The following CCBE1 variants were observed in gnomAD, a reference collection of about 807,000 sequenced individuals.
CCBE1 encodes the protein collagen and calcium-binding EGF domain-containing protein 1.
A neutral mutation model predicts 50.0 loss-of-function variants in CCBE1; 37 were observed. The ratio of observed to expected loss-of-function variants is 0.74; its 90% confidence interval spans 0.57 to 0.97. CCBE1 has a LOEUF of 0.97. Among genes scored for constraint, CCBE1 ranks in the 50% least tolerant of loss-of-function variants. The pLI is 0.00. For missense variants in CCBE1, 538 were observed against 523.8 expected (o/e 1.03, Z -0.26); for synonymous variants, 234 against 203.7 (o/e 1.15, Z -1.27).
intron 2 of CCBE1, among the ~76,000 whole-genome samples, chr18:59,528,700 G>A (rs1311571986): frequency 6.6e-6 from 1 of 152,146 alleles, no homozygotes; most frequent in Non-Finnish European, 1.5e-5. Flanking sequence ...GTTTTTAACA[G>A]TCAAGCCCCT....
intron 2 of CCBE1, among the ~76,000 whole-genome samples, chr18:59,545,743 A>G (rs1025286636): frequency 6.6e-6 from 1 of 152,178 alleles, no homozygotes; most frequent in Admixed American, 6.5e-5. Flanking sequence ...TACTGTTCTC[A>G]TGGTAGTGAA....
chr18:59,611,590 C>CA (rs968793525), intron 2 of CCBE1, among the ~76,000 whole-genome samples: 5 of 151,864 alleles, frequency 3.3e-5, no homozygotes, highest in Admixed American at 1.3e-4. Flanking sequence ...ACTAAAAATA[C>CA]AAAAAAATAG....
intron 2 of CCBE1, among the ~76,000 whole-genome samples, chr18:59,654,828 G>T (rs1455799702): frequency 6.6e-6 from 1 of 150,812 alleles, no homozygotes; most frequent in Non-Finnish European, 1.5e-5. Flanking sequence ...AGAAAAGGTG[G>T]CTCATTCCTA....
chr18:59,485,359 A>G (rs1012907369), intron 2 of CCBE1, among the ~76,000 whole-genome samples: 7 of 152,172 alleles, frequency 4.6e-5, no homozygotes, highest in Non-Finnish European at 1.5e-5. Context: ...AAAAATGAAG[A>G]TAACAGAGAC....
chr18:59,433,891 C>CTTTTTTTTTTTTTT lies in CCBE1; in HGVS notation c.*2003_*2016dup, dbSNP rs373652074. 2.9e-4 allele frequency: 20 copies of CTTTTTTTTTTTTTT among 70,052 alleles called. 1 individual carries two copies. The highest frequency in any genetic ancestry group is 1.1e-3 in the African/African-American group (18 of 16,450). The allele number at this position is 70,052 out of a possible 1,614,324, so 4.3% of individuals were successfully genotyped here. A position where few individuals can be genotyped will look rare whatever the true frequency, so the allele number is the denominator to read the frequency against. On this transcript the variant is annotated 3_prime_UTR_variant, in exon 11 of 11. Coordinates refer to ENST00000439986, the MANE Select transcript of CCBE1 (RefSeq NM_133459.4). ...ACAGGCATGAGCCACCAAGCCCGGC[C>CTTTTTTTTTTTTTT]TTTTTTTTTTTTTTTTTTTTTTTTT...
chr18:59,550,448 G>A (rs1344072114), intron 2 of CCBE1, among the ~76,000 whole-genome samples: 1 of 152,118 alleles, frequency 6.6e-6, no homozygotes, highest in Non-Finnish European at 1.5e-5. Flanking sequence ...TCGCTGCTCA[G>A]AAGGGCCTTC....
intron 2 of CCBE1, among the ~76,000 whole-genome samples, chr18:59,635,207 T>C (rs1431659582): frequency 6.6e-6 from 1 of 152,252 alleles, no homozygotes; most frequent in African/African-American, 2.4e-5. Flanking sequence ...AATGAAATCA[T>C]AGCTTCGAAG....
At chr18:59,584,324 G>A (rs2053142987) in intron 2 of CCBE1, among the ~76,000 whole-genome samples, 1 of 140,636 alleles carries the variant, frequency 7.1e-6, no homozygotes, top group Admixed American at 7.4e-5. Context: ...CACAGGAAAG[G>A]GAACATCACA....
chr18:59,495,221 GA>G (rs199611353), intron 2 of CCBE1, among the ~76,000 whole-genome samples: 9 of 149,230 alleles, frequency 6.0e-5, no homozygotes, highest in African/African-American at 1.7e-4. Context: ...CTTTTTCTCT[GA>G]AAAAAAAATA....
At chr18:59,693,295 C>A (rs1472469274) in intron 2 of CCBE1, among the ~76,000 whole-genome samples, 1 of 152,112 alleles carries the variant, frequency 6.6e-6, no homozygotes, top group African/African-American at 2.4e-5. Flanking sequence ...TTATGTAATG[C>A]AAAATTTTTT....
At chr18:59,556,055 C>G (rs1209703540) in intron 2 of CCBE1, among the ~76,000 whole-genome samples, 1 of 152,172 alleles carries the variant, frequency 6.6e-6, no homozygotes, top group African/African-American at 2.4e-5. Context: ...GTATCTAGGT[C>G]TCAGCTCTGC....
Position 59,595,114 on chromosome 18 carries a change from C to CAAAAAAAAAAAAAAAA in CCBE1, c.212+101499_212+101514dup, listed in dbSNP as rs546035209. On this transcript the variant is annotated intron_variant, in intron 2 of 10. Transcript: ENST00000439986. ...CTGGCAACAGAGCGAGACTCTGTCT[C>CAAAAAAAAAAAAAAAA]AAAAAAAAAAAAAAAAAAATCCATT... Among the ~76,000 whole-genome samples, 383 of 73,512 alleles carry CAAAAAAAAAAAAAAAA rather than the reference C, an allele frequency of 5.2e-3. 8 individuals carry two copies. The highest frequency in any genetic ancestry group is 0.016 in the African/African-American group (364 of 22,440). 48.2% of individuals were successfully genotyped at this position (73,512 alleles called of 152,430 possible).
rs147974432 is a variant in CCBE1, at chr18:59,466,861, G to A, written c.431C>T (p.Thr144Met). ...DIDECASSNG[T>M]LCAHICINTL... ...ATTGATGCAGATGTGGGCACACAGC[G>A]TCCCATTGCTGCTGGCACACTCATC... Residue 144 changes from threonine to methionine, a missense_variant, in exon 5 of 11, where the codon ACG (threonine) becomes ATG (methionine). Coordinates refer to ENST00000439986, the MANE Select transcript of CCBE1 (RefSeq NM_133459.4). 418 of 1,613,386 alleles carry A rather than the reference G, an allele frequency of 2.6e-4. 1 individual carries two copies. The highest frequency in any genetic ancestry group is 2.6e-3 in the African/African-American group (193 of 75,024).
intron 6 of CCBE1, among the ~76,000 whole-genome samples, chr18:59,449,711 T>C (rs1444055431): frequency 6.6e-6 from 1 of 151,966 alleles, no homozygotes; most frequent in East Asian, 1.9e-4. Context: ...AGTCCCTTCA[T>C]CCTTCCAAGT....
chr18:59,661,482 G>A (rs548550740), intron 2 of CCBE1, among the ~76,000 whole-genome samples: 1 of 152,264 alleles, frequency 6.6e-6, no homozygotes, highest in Non-Finnish European at 1.5e-5. Flanking sequence ...ATGAAATGGG[G>A]TGAGAACAAG....
chr18:59,673,589 G>A (rs1180150723), intron 2 of CCBE1, among the ~76,000 whole-genome samples: 1 of 152,162 alleles, frequency 6.6e-6, no homozygotes, highest in Middle Eastern at 3.2e-3. Context: ...GTCATAAATA[G>A]CTCTTATTAT....
intron 2 of CCBE1, among the ~76,000 whole-genome samples, chr18:59,548,159 G>C (rs1293401695): frequency 6.6e-6 from 1 of 152,210 alleles, no homozygotes; most frequent in Non-Finnish European, 1.5e-5. Flanking sequence ...TAAGACAACT[G>C]AGGTCCGAGA....
At chr18:59,493,514 T>A (rs1913206291) in intron 2 of CCBE1, among the ~76,000 whole-genome samples, 1 of 151,354 alleles carries the variant, frequency 6.6e-6, no homozygotes, top group Non-Finnish European at 1.5e-5. Flanking sequence ...AAGATAAGCA[T>A]TTTCCATAGA....
intron 2 of CCBE1, among the ~76,000 whole-genome samples, chr18:59,566,050 A>G (rs1357298194): frequency 1.3e-5 from 2 of 152,242 alleles, no homozygotes; most frequent in African/African-American, 2.4e-5. Context: ...ATAAGAGAAC[A>G]GTGAATAAGA....
Sources: allele counts gnomAD v4.1 joint callset (sites outside exome capture counted in the v4.1 genomes callset), GRCh38; gene constraint gnomAD v4.1.1; transcripts MANE v1.5; gene names NCBI Gene and HGNC (gene_info 2026-07-23, HGNC 2026-07-21).